The following ATP7A variants were observed in gnomAD, a reference collection of about 807,000 sequenced individuals.
The protein encoded by ATP7A is copper-transporting ATPase 1.
In ATP7A, 7 loss-of-function variants were observed where a neutral mutation model predicts 83.5. That is an observed-to-expected ratio of 0.08 (90% confidence interval 0.05 to 0.16). The LOEUF (loss-of-function observed/expected upper bound fraction) is 0.16. Ranked by LOEUF, ATP7A falls within the 10% of genes least tolerant of loss-of-function variation. The pLI is 1.00. For synonymous variants in ATP7A, 354 were observed against 395.2 expected (o/e 0.90, Z 1.24); for missense variants, 940 against 1,120.8 (o/e 0.84, Z 2.30).
At chrX:77,958,326 C>T (rs974046971) in intron 1 of ATP7A, among the ~76,000 whole-genome samples, 42 of 111,293 alleles carry the variant, frequency 3.8e-4, no homozygotes, top group Admixed American at 7.7e-4. Flanking sequence ...TATAAATTGC[C>T]CAGTCTCAGG....
chrX:77,940,345 T>G (rs1457791827), intron 1 of ATP7A, among the ~76,000 whole-genome samples: 1 of 110,879 alleles, frequency 9.0e-6, no homozygotes, highest in East Asian at 2.8e-4. Context: ...AAATAAAAAT[T>G]TAGTATACTG....
chrX:78,044,501 T>C (rs1416657632), intron 21 of ATP7A, among the ~76,000 whole-genome samples: 2 of 111,852 alleles, frequency 1.8e-5, no homozygotes, highest in African/African-American at 3.2e-5. Context: ...ATGGAGCAAA[T>C]GATTTTTAAA....
rs782498071 is a variant in ATP7A at position 77,937,887 on chromosome X, T to A, written c.-22+27052T>A. Among the ~76,000 whole-genome samples, 433 of 100,961 alleles carry A rather than the reference T, an allele frequency of 4.3e-3. 4 individuals are homozygous for A. Among genetic ancestry groups the A allele is most frequent in the Middle Eastern group, 0.01 (2 of 197 alleles). 87.7% of individuals were successfully genotyped at this position (100,961 alleles called of 115,157 possible). A position where few individuals can be genotyped will look rare whatever the true frequency, so the allele number is the denominator to read the frequency against. On this transcript the variant is annotated intron_variant, in intron 1 of 22. Transcript: ENST00000341514. ...ATGGTTCTCTCTCTCTCTCTCTCTC[T>A]CACACACACACACACACACACACAT...
At chrX:77,940,968 G>C (rs1272708250) in intron 1 of ATP7A, among the ~76,000 whole-genome samples, 1 of 112,029 alleles carries the variant, frequency 8.9e-6, no homozygotes, top group Non-Finnish European at 1.9e-5. Context: ...GTAATTTACA[G>C]TATGTATCAC....
In ATP7A at chrX:77,988,535, G is replaced by C; in HGVS notation, c.414G>C (p.Gln138His). Residue 138 changes from glutamine (Q) to histidine (H), a missense_variant, in exon 3 of 23, where the codon CAG (glutamine) becomes CAC (histidine). This residue lies in a region of ATP7A where 350 missense variants were observed against 432.8 expected (regional missense o/e 0.81). Coordinates refer to ENST00000341514, the MANE Select transcript of ATP7A (RefSeq NM_000052.7). ...TIIPSIVNAN[Q>H]IKELVPELSL... ...TCCCTTCTATAGTGAATGCCAATCA[G>C]ATAAAAGAGCTGGTTCCAGAACTCA... 2 of 1,211,441 alleles carry C rather than the reference G, an allele frequency of 1.7e-6. No homozygotes were observed. The highest frequency in any genetic ancestry group is 2.2e-6 in the Non-Finnish European group (2 of 895,305).
intron 2 of ATP7A, among the ~76,000 whole-genome samples, chrX:77,977,531 A>G (rs1268825087): frequency 8.9e-6 from 1 of 112,285 alleles, no homozygotes; most frequent in Non-Finnish European, 1.9e-5. Flanking sequence ...TAACTATAAA[A>G]CTAGATTCTG....
intron 1 of ATP7A, among the ~76,000 whole-genome samples, chrX:77,960,092 G>A (rs924247487): frequency 2.7e-5 from 3 of 112,230 alleles, no homozygotes. Flanking sequence ...ATCCAAAAAA[G>A]GATTAAGGCT....
In ATP7A at chrX:78,025,340, G is replaced by A. The variant is rs1303069485; in HGVS notation, c.2917-3910G>A. Among the ~76,000 whole-genome samples, 3 of 112,176 alleles carry A rather than the reference G, an allele frequency of 2.7e-5. No homozygotes were observed. The Admixed American group carries it at 2.8e-4, about 11-fold the overall frequency. On this transcript the variant is annotated intron_variant, in intron 14 of 22. Coordinates refer to ENST00000341514, the MANE Select transcript of ATP7A (RefSeq NM_000052.7). The stretch of plus-strand genomic sequence containing the variant: ...TGCAAGAACTCTAGCAGTACAAAAA[G>A]TGTTTTCACACCGCCAAACGATTGT...
rs1557235083 is a variant in ATP7A at position 78,015,805 on chromosome X, A to G, written c.2550A>G (p.Val850=). Residue 850 remains valine (V), a synonymous_variant, in exon 12 of 23, where the codon GTA becomes GTG. Transcript: ENST00000341514. ...ELVQRGDIIK[V]VPGGKFPVDG... ...TACAACGTGGAGATATCATTAAAGT[A>G]GTTCCAGGAGGCAAATTTCCAGTGG... The G allele has an allele frequency of 1.7e-6, 2 of 1,211,457 alleles. No individual in the cohort carries two copies. The highest frequency in any genetic ancestry group is 2.2e-6 in the Non-Finnish European group (2 of 894,983).
chrX:78,038,612 A>G (rs1271535184), intron 17 of ATP7A, among the ~76,000 whole-genome samples: 1 of 111,119 alleles, frequency 9.0e-6, no homozygotes, highest in Non-Finnish European at 1.9e-5. Context: ...TCTGGAGAGG[A>G]GGGATAAGGA....
At chrX:78,011,348 G>C in intron 8 of ATP7A, 96 bp downstream of exon 8, 3 of 1,053,580 alleles carry the variant, frequency 2.8e-6, no homozygotes, top group Non-Finnish European at 4.0e-6. Flanking sequence ...CCTTATACTG[G>C]ATGAAATGGT....
chrX:77,976,997 G>A (rs1231518648), intron 2 of ATP7A, among the ~76,000 whole-genome samples: 1 of 111,507 alleles, frequency 9.0e-6, no homozygotes, highest in Non-Finnish European at 1.9e-5. Context: ...GATCTTTGGG[G>A]AAAGAGCCAA....
chrX:78,020,064 G>A (rs1163311114), intron 12 of ATP7A, among the ~76,000 whole-genome samples, 180 bp from the exon 13 acceptor site: 2 of 112,533 alleles, frequency 1.8e-5, no homozygotes, highest in Non-Finnish European at 3.8e-5. Flanking sequence ...TCCAGTTCAA[G>A]GTTTATATTC....
In ATP7A at chrX:78,045,458, C is replaced by T; in HGVS notation, c.4124-12C>T. Reference sequence around the variant, plus strand: ...TATTATCTACTCTAACTAATCCATACTTGTTTCTTAGGAGTTTTTATGCCC... The same window carrying T: ...TATTATCTACTCTAACTAATCCATATTTGTTTCTTAGGAGTTTTTATGCCC... On this transcript the variant is annotated splice_polypyrimidine_tract_variant and intron_variant, in intron 21 of 22. Coordinates refer to ENST00000341514, the MANE Select transcript of ATP7A (RefSeq NM_000052.7). 8.5e-7 allele frequency: 1 copy of T among 1,180,344 alleles called. No individual in the cohort carries two copies. The highest frequency in any genetic ancestry group is 1.2e-6 in the Non-Finnish European group (1 of 867,951).
At chrX:77,917,022 C>A (rs1476300638) in intron 1 of ATP7A, among the ~76,000 whole-genome samples, 1 of 111,626 alleles carries the variant, frequency 9.0e-6, no homozygotes, top group East Asian at 2.8e-4. Context: ...TATTGAGTAG[C>A]CACCATGTTC....
intron 6 of ATP7A, among the ~76,000 whole-genome samples, chrX:78,007,331 CT>C (rs782585462): frequency 6.6e-4 from 69 of 105,057 alleles, no homozygotes; most frequent in African/African-American, 7.2e-4. Context: ...GAATTTTTAC[CT>C]TTTTTTTTTT....
Position 78,011,166 on chromosome X carries a change from A to G in ATP7A, c.1870-10A>G. 8.3e-7 allele frequency: 1 copy of G among 1,202,216 alleles called. No individual in the cohort carries two copies. Among genetic ancestry groups the G allele is most frequent in the Non-Finnish European group, 1.1e-6 (1 of 887,403 alleles). On this transcript the variant is annotated splice_polypyrimidine_tract_variant and intron_variant, in intron 7 of 22. Coordinates refer to ENST00000341514, the MANE Select transcript of ATP7A (RefSeq NM_000052.7). ...CAGTGAAATAATTTTTTTCTCATGAATTTCCTTAGAGCTTAGGTTTTGAAG... is the reference window on the plus strand; with the variant it reads ...CAGTGAAATAATTTTTTTCTCATGAGTTTCCTTAGAGCTTAGGTTTTGAAG...
intron 19 of ATP7A, among the ~76,000 whole-genome samples, chrX:78,042,032 C>T (rs782581418): frequency 5.8e-5 from 6 of 104,324 alleles, no homozygotes; most frequent in African/African-American, 1.1e-4. Context: ...GCAGGAGAAT[C>T]GCTTGAACCA....
At chrX:77,928,941 G>T (rs1010608814) in intron 1 of ATP7A, among the ~76,000 whole-genome samples, 4 of 111,527 alleles carry the variant, frequency 3.6e-5, no homozygotes, top group African/African-American at 1.3e-4. Context: ...ACAACCAGTT[G>T]CAATTGTAAC....
Sources: gnomAD v4.1 joint callset for allele counts (sites outside exome capture counted in the v4.1 genomes callset) on GRCh38, gnomAD v4.1.1 for gene constraint, gnomAD v4.1.1 regional missense constraint, MANE v1.5 for transcripts, NCBI Gene and HGNC (gene_info 2026-07-23, HGNC 2026-07-21) for gene names.